CD200R1L: variants seen among roughly 807,000 people sequenced by gnomAD.
The protein encoded by CD200R1L is cell surface glycoprotein CD200 receptor 2.
Under a neutral mutation model 24.8 loss-of-function variants are expected in CD200R1L, and 14 were observed. The observed-to-expected ratio is 0.56, with a 90% CI of 0.37 to 0.88. The LOEUF (loss-of-function observed/expected upper bound fraction) is 0.88, where lower values mean the gene tolerates loss of function less well. Ranked by LOEUF, CD200R1L falls within the 40% of genes least tolerant of loss-of-function variation. CD200R1L has a pLI of 0.00. For missense variants in CD200R1L, 299 were observed against 297.8 expected, an observed-to-expected ratio of 1.00 and a Z score of -0.03; for synonymous variants, 111 against 109.2, an observed-to-expected ratio of 1.02 and a Z score of -0.11.
chr3:112,823,971 G>A (rs6763040), intron 6 of CD200R1L, among the ~76,000 whole-genome samples: 141,830 of 152,146 alleles, frequency 0.93, 66,259 homozygotes, highest in Admixed American at 0.96. Context: ...CTATAAGAGA[G>A]GCCACTGGGG....
chr3:112,837,641 C>T (rs1431575799), intron 3 of CD200R1L, among the ~76,000 whole-genome samples: 1 of 152,244 alleles, frequency 6.6e-6, no homozygotes, highest in Non-Finnish European at 1.5e-5. Context: ...TCCTCTCATT[C>T]TACCTTGTAA....
intron 6 of CD200R1L, among the ~76,000 whole-genome samples, chr3:112,826,385 CAAAG>C (rs1938657613): frequency 6.6e-6 from 1 of 151,968 alleles, no homozygotes; most frequent in Non-Finnish European, 1.5e-5. Flanking sequence ...ATTTAACAGA[CAAAG>C]AAACCATGAG....
chr3:112,827,060 C>A lies in CD200R1L; in HGVS notation c.549G>T (p.Lys183Asn). 1 of 1,601,944 alleles carries A rather than the reference C, an allele frequency of 6.2e-7. No homozygotes were observed. Among genetic ancestry groups the A allele is most frequent in the Non-Finnish European group, 8.5e-7 (1 of 1,173,060 alleles). The part of the protein sequence containing the change: ...VKSTCPWEGH[K>N]STVTCHVSHL... ...GGGAGACATGGCAGGTCACAGTAGA[C>A]TTGTGGCCCTCCCAGGGGCATGTAC... Residue 183 changes from lysine to asparagine, a missense_variant, in exon 6 of 8, where the codon AAG becomes AAT. By Grantham distance (94) the Lys-to-Asn change is moderately conservative. Transcript: ENST00000488794.
intron 3 of CD200R1L, among the ~76,000 whole-genome samples, chr3:112,835,746 T>C (rs9847365): frequency 0.67 from 101,809 of 152,152 alleles, 34,230 homozygotes; most frequent in African/African-American, 0.73. Context: ...CCTCGGCCTT[T>C]CTCCCATGCT....
intron 2 of CD200R1L, among the ~76,000 whole-genome samples, chr3:112,838,566 C>G (rs1939014138): frequency 6.6e-6 from 1 of 151,370 alleles, no homozygotes; most frequent in Admixed American, 6.6e-5. Context: ...ATTTGCTGGT[C>G]TCAATAACAG....
In CD200R1L at chr3:112,827,229, A is replaced by G. The variant is rs746366169; in HGVS notation, c.380T>C (p.Val127Ala). The G allele has an allele frequency of 1.9e-6, 3 of 1,611,092 alleles. No homozygotes were observed. The South Asian group carries it at 3.3e-5, about 18-fold the overall frequency. Reference sequence around the variant, plus strand: ...TATATTCCTGCTTTGAAATAGGTTCACTTCGGGTGTAACTGCAGAGAGGAA... The same window carrying G: ...TATATTCCTGCTTTGAAATAGGTTCGCTTCGGGTGTAACTGCAGAGAGGAA... ...YHLQVLVTPE[V>A]NLFQSRNITA... The change falls in exon 6 of 8, where the codon GTG becomes GCG. Residue 127 changes from valine (V) to alanine (A), a missense_variant. Val to Ala is a moderately conservative substitution (Grantham distance 64, BLOSUM62 0). Coordinates refer to ENST00000488794, the MANE Select transcript of CD200R1L (RefSeq NM_001199215.3).
At chr3:112,835,658 T>C (rs1938922719) in intron 3 of CD200R1L, among the ~76,000 whole-genome samples, 1 of 152,262 alleles carries the variant, frequency 6.6e-6, no homozygotes, top group Non-Finnish European at 1.5e-5. Context: ...CTCTACCTCC[T>C]GCTGCTCTTC....
Position 112,845,844 on chromosome 3 carries a change from G to A in CD200R1L, c.-252C>T. On this transcript the variant is annotated 5_prime_UTR_variant, in exon 2 of 8. Transcript: ENST00000488794. ...ACTTTTGCTTATTCTGTCTTCAACAGGATTGCAAAACATATTTCTTCATTA... is the reference window on the plus strand; with the variant it reads ...ACTTTTGCTTATTCTGTCTTCAACAAGATTGCAAAACATATTTCTTCATTA... 1 of 732,512 alleles carries A rather than the reference G, an allele frequency of 1.4e-6. No homozygotes were observed. The highest frequency in any genetic ancestry group is 1.8e-5 in the African/African-American group (1 of 56,130). 45.4% of individuals were successfully genotyped at this position (732,512 alleles called of 1,614,324 possible). A position where few individuals can be genotyped will look rare whatever the true frequency, so the allele number is the denominator to read the frequency against.
chr3:112,843,030 C>A (rs1939118212), intron 2 of CD200R1L, among the ~76,000 whole-genome samples: 1 of 152,152 alleles, frequency 6.6e-6, no homozygotes, highest in Non-Finnish European at 1.5e-5. Flanking sequence ...GTTAAACCTG[C>A]TCTGAGTCTG....
chr3:112,836,811 C>T (rs1367221572), intron 3 of CD200R1L, among the ~76,000 whole-genome samples: 1 of 152,198 alleles, frequency 6.6e-6, no homozygotes, highest in East Asian at 1.9e-4. Context: ...TATGTGGAAT[C>T]TTTGCCTCTG....
chr3:112,831,644 A>G (rs1202770165), intron 3 of CD200R1L, among the ~76,000 whole-genome samples: 1 of 152,248 alleles, frequency 6.6e-6, no homozygotes, highest in African/African-American at 2.4e-5. Context: ...GGACACAGAT[A>G]TGGACACAGG....
chr3:112,826,794 C>T (rs1938665781), intron 6 of CD200R1L, among the ~76,000 whole-genome samples, 199 bp downstream of exon 6: 1 of 152,154 alleles, frequency 6.6e-6, no homozygotes, highest in Non-Finnish European at 1.5e-5. Flanking sequence ...GCCTATAGAT[C>T]ACTAAGTTAA....
At chr3:112,819,525 A>G (rs1488524076) in intron 7 of CD200R1L, among the ~76,000 whole-genome samples, 2 of 152,192 alleles carry the variant, frequency 1.3e-5, no homozygotes, top group Non-Finnish European at 2.9e-5. Context: ...GGACTAGGCC[A>G]CTTCTCTCCT....
intron 7 of CD200R1L, among the ~76,000 whole-genome samples, chr3:112,818,502 A>G (rs750364298): frequency 2.6e-5 from 4 of 152,254 alleles, no homozygotes; most frequent in Non-Finnish European, 5.9e-5. Context: ...CAGTCCAAAC[A>G]TGCAATACTA....
chr3:112,841,879 T>C (rs569638424), intron 2 of CD200R1L, among the ~76,000 whole-genome samples: 1 of 152,270 alleles, frequency 6.6e-6, no homozygotes, highest in African/African-American at 2.4e-5. Context: ...CAAGATGAGA[T>C]CTGTGGCCTA....
In CD200R1L at chr3:112,815,902, C is replaced by T; in HGVS notation, c.*61G>A. The T allele has an allele frequency of 1.3e-6, 1 of 777,864 alleles. No homozygotes were observed. The highest frequency in any genetic ancestry group is 2.4e-6 in the Non-Finnish European group (1 of 416,608). The allele number at this position is 777,864 out of a possible 1,614,324, so 48.2% of individuals were successfully genotyped here. Reference sequence around the variant, plus strand: ...AGTTCACTGCTGGACCATCACTCATCTCACCAATGTTGCAGTCCAGAGACA... The same window carrying T: ...AGTTCACTGCTGGACCATCACTCATTTCACCAATGTTGCAGTCCAGAGACA... On this transcript the variant is annotated 3_prime_UTR_variant, in exon 8 of 8. Transcript: ENST00000488794.
intron 4 of CD200R1L, 92 bp downstream of exon 4, chr3:112,829,227 G>T: frequency 1.1e-6 from 1 of 942,794 alleles, no homozygotes; most frequent in Non-Finnish European, 1.7e-6. Flanking sequence ...GTAGTCACAA[G>T]GCTGGCCTCC....
At chr3:112,816,248 A>T (rs952777625) in intron 7 of CD200R1L, among the ~76,000 whole-genome samples, 2 of 152,150 alleles carry the variant, frequency 1.3e-5, no homozygotes, top group East Asian at 3.9e-4. Flanking sequence ...GAGCTTACTC[A>T]TATGTTTAGG....
At chr3:112,826,936 C>G in intron 6 of CD200R1L, 57 bp downstream of exon 6, 1 of 1,500,260 alleles carries the variant, frequency 6.7e-7, no homozygotes, top group East Asian at 2.3e-5. Flanking sequence ...TCGTTATTTT[C>G]TATGGAAGAA....
Sources: allele counts gnomAD v4.1 joint callset (sites outside exome capture counted in the v4.1 genomes callset), GRCh38; gene constraint gnomAD v4.1.1; transcripts MANE v1.5; gene names NCBI Gene and HGNC (gene_info 2026-07-23, HGNC 2026-07-21).